PRIM2: variants seen among roughly 807,000 people sequenced by gnomAD.
PRIM2 encodes the protein DNA primase large subunit.
Under a neutral mutation model 67.3 loss-of-function variants are expected in PRIM2, and 39 were observed. The ratio of observed to expected loss-of-function variants is 0.58; its 90% confidence interval spans 0.45 to 0.76. The LOEUF is 0.76. PRIM2 is among the 30% of genes least tolerant of loss of function. PRIM2 has a pLI of 0.00. For synonymous variants in PRIM2, 143 were observed against 198.7 expected, an observed-to-expected ratio of 0.72 and a Z score of 2.36; for missense variants, 398 against 598.7, an observed-to-expected ratio of 0.66 and a Z score of 3.50.
chr6:57,641,997 A>T (rs1323037437), intron 13 of PRIM2, among the ~76,000 whole-genome samples: 4 of 152,214 alleles, frequency 2.6e-5, no homozygotes. Context: ...CCCACCAATG[A>T]TAGACTGGGT....
Position 57,337,322 on chromosome 6 carries a change from A to G in PRIM2, c.459+11277A>G, listed in dbSNP as rs543777186. On this transcript the variant is annotated intron_variant, in intron 5 of 13. Coordinates refer to ENST00000615550, the MANE Select transcript of PRIM2 (RefSeq NM_000947.5). ...TCAACAAGACAGAAAGTCAACAATG[A>G]TACCCAGGAATTGAACTCAGCTCTG... Among the ~76,000 whole-genome samples the G allele has an allele frequency of 2.0e-4, 30 of 152,242 alleles. No homozygotes were observed. In the East Asian group the frequency reaches 5.6e-3, roughly 28 times the overall value.
the PRIM2 span, among the ~76,000 whole-genome samples, chr6:57,255,238 C>G: frequency 1.7e-3 from 261 of 152,264 alleles, 2 homozygotes; most frequent in African/African-American, 5.9e-3. Flanking sequence ...GTGGTGCACA[C>G]CTGTAATCCC....
At chr6:57,421,628 T>C (rs1312701276) in intron 7 of PRIM2, among the ~76,000 whole-genome samples, 2 of 152,238 alleles carry the variant, frequency 1.3e-5, no homozygotes, top group Admixed American at 1.3e-4. Context: ...GACCTTGCTT[T>C]ACATTTTTGC....
rs570917584 is a variant in PRIM2, at chr6:57,317,667, A to G, written c.-44A>G. ...CCGCCACCCGGGAACAGTGGCTGCCACCGTTTGTGTTTTCCCGAGTTTGAA... is the reference window on the plus strand; with the variant it reads ...CCGCCACCCGGGAACAGTGGCTGCCGCCGTTTGTGTTTTCCCGAGTTTGAA... On this transcript the variant is annotated 5_prime_UTR_variant, in exon 1 of 14. Coordinates refer to ENST00000615550, the MANE Select transcript of PRIM2 (RefSeq NM_000947.5). 1 of 152,808 alleles carries G rather than the reference A, an allele frequency of 6.5e-6. No homozygotes were observed. The highest frequency in any genetic ancestry group is 2.4e-5 in the African/African-American group (1 of 41,566). The allele number at this position is 152,808 out of a possible 1,614,324, so 9.5% of individuals were successfully genotyped here. A position where few individuals can be genotyped will look rare whatever the true frequency, so the allele number is the denominator to read the frequency against.
the PRIM2 span, among the ~76,000 whole-genome samples, chr6:57,274,250 C>G: frequency 4.1e-4 from 62 of 150,736 alleles, no homozygotes; most frequent in African/African-American, 1.4e-3. Context: ...GGCAGGCAGG[C>G]CTCCTTGAGC....
upstream of PRIM2, among the ~76,000 whole-genome samples, chr6:57,309,811 A>G (rs903734486): frequency 1.3e-5 from 2 of 152,208 alleles, no homozygotes; most frequent in African/African-American, 4.8e-5. Context: ...ATTTCTCCAC[A>G]TCCTCTCTAG....
intron 5 of PRIM2, chr6:57,326,349 A>G (rs140976751): frequency 3.1e-5 from 7 of 222,304 alleles, no homozygotes; most frequent in African/African-American, 1.6e-4. Flanking sequence ...AAATAAAGCT[A>G]ATAATGTGTT....
chr6:57,268,578 G>T, the PRIM2 span, among the ~76,000 whole-genome samples: 1 of 151,802 alleles, frequency 6.6e-6, no homozygotes, highest in Non-Finnish European at 1.5e-5. Flanking sequence ...GGCATTACAA[G>T]GATATATATG....
At position 57,422,158 on chromosome 6, in the gene PRIM2, C is replaced by CTTTTTT. The variant is rs575958629; in HGVS notation, c.693+39999_693+40004dup. On this transcript the variant is annotated intron_variant, in intron 7 of 13. Transcript: ENST00000615550. ...AAATTCAAAAGTATTTCTTTTCTTT[C>CTTTTTT]TTTTTTTTTTTTTTGAGATGGAGTC... Among the ~76,000 whole-genome samples the CTTTTTT allele has an allele frequency of 3.3e-4, 34 of 103,324 alleles. 2 individuals are homozygous for CTTTTTT. The highest frequency in any genetic ancestry group is 6.6e-4 in the African/African-American group (19 of 28,944). The allele number at this position is 103,324 out of a possible 152,430, so 67.8% of individuals were successfully genotyped here.
At chr6:57,609,328 G>C (rs1357094279) in intron 12 of PRIM2, among the ~76,000 whole-genome samples, 3 of 152,200 alleles carry the variant, frequency 2.0e-5, no homozygotes, top group African/African-American at 7.2e-5. Context: ...GCAAAGGGAA[G>C]TTGATGGAGT....
At chr6:57,428,559 A>G (rs1581895275) in intron 7 of PRIM2, among the ~76,000 whole-genome samples, 1 of 152,190 alleles carries the variant, frequency 6.6e-6, no homozygotes, top group South Asian at 2.1e-4. Flanking sequence ...CAGCATGCCT[A>G]CAAGTACTGT....
Position 57,640,969 on chromosome 6 carries a change from C to T in PRIM2, c.1300-4959C>T, listed in dbSNP as rs1306836710. On this transcript the variant is annotated intron_variant, in intron 13 of 13. Transcript: ENST00000615550. ...AAAAAAAACAACGCTAGAGGCATCA[C>T]GCTACCTGACTTCAAACTATACTAC... is the stretch of plus-strand genomic sequence containing the variant. Among the ~76,000 whole-genome samples the T allele has an allele frequency of 1.6e-4, 24 of 151,236 alleles. No homozygotes were observed. In the East Asian group the frequency reaches 3.3e-3, roughly 21 times the overall value.
chr6:57,256,212 CAATT>C, the PRIM2 span, among the ~76,000 whole-genome samples: 9 of 152,220 alleles, frequency 5.9e-5, no homozygotes, highest in East Asian at 1.2e-3. Flanking sequence ...GGGAAAAAGA[CAATT>C]AACTTGTTTT....
intron 7 of PRIM2, among the ~76,000 whole-genome samples, chr6:57,449,114 A>T (rs1772453533): frequency 2.0e-5 from 3 of 152,260 alleles, no homozygotes; most frequent in Middle Eastern, 3.4e-3. Context: ...ATTGTATGAA[A>T]TTTTTTTAAA....
chr6:57,606,707 C>A (rs1776568407), intron 12 of PRIM2, among the ~76,000 whole-genome samples: 1 of 152,232 alleles, frequency 6.6e-6, no homozygotes, highest in Admixed American at 6.5e-5. Flanking sequence ...AACCTTCCCC[C>A]ACACCTCAGT....
At chr6:57,271,781 T>A in the PRIM2 span, among the ~76,000 whole-genome samples, 1 of 152,106 alleles carries the variant, frequency 6.6e-6, no homozygotes, top group African/African-American at 2.4e-5. Context: ...ATAAATTTCC[T>A]TCTACACACT....
chr6:57,472,096 G>A (rs1338175257), intron 7 of PRIM2, among the ~76,000 whole-genome samples: 1 of 151,956 alleles, frequency 6.6e-6, no homozygotes, highest in Non-Finnish European at 1.5e-5. Flanking sequence ...GATGATTTTT[G>A]ATGTAGGGTA....
At chr6:57,343,941 A>G (rs1768585977) in intron 5 of PRIM2, among the ~76,000 whole-genome samples, 1 of 152,156 alleles carries the variant, frequency 6.6e-6, no homozygotes, top group Non-Finnish European at 1.5e-5. Flanking sequence ...AAAGTGACCT[A>G]GGGAATTTTG....
At chr6:57,425,667 T>C (rs1771598303) in intron 7 of PRIM2, among the ~76,000 whole-genome samples, 1 of 152,134 alleles carries the variant, frequency 6.6e-6, no homozygotes, top group African/African-American at 2.4e-5. Context: ...GTAGTAATAA[T>C]CCTCAGAAGC....
Sources: gnomAD v4.1 joint callset for allele counts (sites outside exome capture counted in the v4.1 genomes callset) on GRCh38, gnomAD v4.1.1 for gene constraint, MANE v1.5 for transcripts, NCBI Gene and HGNC (gene_info 2026-07-23, HGNC 2026-07-21) for gene names.